TMED3: variants seen among roughly 807,000 people sequenced by gnomAD.
TMED3 encodes the protein transmembrane p24 trafficking protein 3.
In TMED3, 9 loss-of-function variants were observed where a neutral mutation model predicts 15.0. The observed-to-expected ratio is 0.60, with a 90% CI of 0.36 to 1.04. The LOEUF is 1.04. Ranked by LOEUF, TMED3 falls within the 50% of genes least tolerant of loss-of-function variation. The pLI, the probability that TMED3 is intolerant of heterozygous loss-of-function variation, is 0.01. For synonymous variants in TMED3, 117 were observed against 121.4 expected (o/e 0.96, Z 0.24); for missense variants, 267 against 278.9 (o/e 0.96, Z 0.30).
At chr15:79,395,272 T>C (rs1893750275) in intron 2 of TMED3, among the ~76,000 whole-genome samples, 1 of 152,184 alleles carries the variant, frequency 6.6e-6, no homozygotes, top group Non-Finnish European at 1.5e-5. Context: ...CTCCGCCTCC[T>C]GGATTCAAGC....
At chr15:79,351,802 T>C (rs922063321) in intron 2 of TMED3, among the ~76,000 whole-genome samples, 10 of 152,100 alleles carry the variant, frequency 6.6e-5, no homozygotes. Context: ...CAATTCACAA[T>C]TGCAAAAATT....
At chr15:79,395,106 T>A (rs991759617) in intron 2 of TMED3, among the ~76,000 whole-genome samples, 1 of 152,216 alleles carries the variant, frequency 6.6e-6, no homozygotes. Context: ...GTTGGCCTGA[T>A]AATATTTCCT....
intron 2 of TMED3, among the ~76,000 whole-genome samples, chr15:79,329,036 T>A (rs2058797819): frequency 6.6e-6 from 1 of 152,200 alleles, no homozygotes; most frequent in Admixed American, 6.5e-5. Context: ...CCCTTTTTAA[T>A]ACCTAGGGGT....
chr15:79,404,342 C>G (rs748045677), intron 2 of TMED3, among the ~76,000 whole-genome samples: 21 of 152,168 alleles, frequency 1.4e-4, no homozygotes, highest in Non-Finnish European at 2.6e-4. Flanking sequence ...GGTGACAGGA[C>G]AAACATTTAG....
At chr15:79,321,577 T>A (rs965486228) in intron 2 of TMED3, among the ~76,000 whole-genome samples, 5 of 152,234 alleles carry the variant, frequency 3.3e-5, no homozygotes, top group African/African-American at 9.6e-5. Context: ...ATTAGTTGTA[T>A]GACTTTGGGC....
In TMED3 at chr15:79,313,983, A is replaced by G; in HGVS notation, c.395A>G (p.Asn132Ser). 6.2e-7 allele frequency: 1 copy of G among 1,614,100 alleles called. No homozygotes were observed. The highest frequency in any genetic ancestry group is 1.6e-4 in the Middle Eastern group (1 of 6,062). ...CCTCCCATTCTCCCAGACATGGGGA[A>G]CAGGGTCACAGCTCTCACCCAGGTG... ...DEPPILPDMGNRVTALTQMES... is the reference protein window; with the variant it reads ...DEPPILPDMGSRVTALTQMES... Residue 132 changes from asparagine (N) to serine (S), a missense_variant, in exon 2 of 3, where the codon AAC (asparagine) becomes AGC (serine). Asn to Ser is a conservative substitution (Grantham distance 46). Coordinates refer to ENST00000299705, the MANE Select transcript of TMED3 (RefSeq NM_007364.4).
At chr15:79,411,597 G>T (rs1595914648) in exon 3 of TMED3, 1 of 673,462 alleles carries the variant, frequency 1.5e-6, no homozygotes, top group East Asian at 2.7e-5. Context: ...GAGCTACCAT[G>T]CACTGGGACT....
chr15:79,404,487 C>A (rs1893875091), intron 2 of TMED3, among the ~76,000 whole-genome samples: 1 of 152,248 alleles, frequency 6.6e-6, no homozygotes, highest in Admixed American at 6.5e-5. Flanking sequence ...TAGAGAGAAG[C>A]TGGCTGCCTC....
At chr15:79,411,292 G>C in intron 2 of TMED3, 1 of 624,522 alleles carries the variant, frequency 1.6e-6, no homozygotes. Context: ...CCACAAAGGG[G>C]CTAGGCAATC....
In TMED3 at chr15:79,311,245, G is replaced by A. The variant is rs758848068; in HGVS notation, c.-5G>A. On this transcript the variant is annotated 5_prime_UTR_variant, in exon 1 of 3. Transcript: ENST00000299705. ...CGCGGCCCTCGAGACGGGACCGAGA[G>A]CATCATGGGCAGCACTGTCCCGCGC... 6.3e-7 allele frequency: 1 copy of A among 1,596,430 alleles called. No individual in the cohort carries two copies.
chr15:79,400,016 G>T (rs1015479628), intron 2 of TMED3, among the ~76,000 whole-genome samples: 6 of 152,140 alleles, frequency 3.9e-5, no homozygotes, highest in Non-Finnish European at 5.9e-5. Flanking sequence ...AACATCAATG[G>T]CTTTCTATTG....
intron 2 of TMED3, among the ~76,000 whole-genome samples, chr15:79,385,654 C>T (rs1160131622): frequency 6.6e-6 from 1 of 152,174 alleles, no homozygotes; most frequent in African/African-American, 2.4e-5. Flanking sequence ...CAGATCCTGC[C>T]TGTTCCTGGC....
At chr15:79,382,257 T>C (rs1893548898) in intron 2 of TMED3, among the ~76,000 whole-genome samples, 1 of 152,194 alleles carries the variant, frequency 6.6e-6, no homozygotes, top group Admixed American at 6.5e-5. Context: ...CTGTTGAGTT[T>C]TGACTCTTTA....
At chr15:79,318,936 T>C (rs1242611645) in intron 2 of TMED3, among the ~76,000 whole-genome samples, 1 of 152,234 alleles carries the variant, frequency 6.6e-6, no homozygotes, top group African/African-American at 2.4e-5. Flanking sequence ...TTGTTCCTTT[T>C]TCAATATCAA....
At chr15:79,346,184 T>C (rs1275377933) in intron 2 of TMED3, among the ~76,000 whole-genome samples, 1 of 152,224 alleles carries the variant, frequency 6.6e-6, no homozygotes, top group East Asian at 1.9e-4. Context: ...TTTTTGCTTT[T>C]GTTACAATTG....
chr15:79,313,322 G>A (rs2058725363), intron 1 of TMED3, among the ~76,000 whole-genome samples: 1 of 152,206 alleles, frequency 6.6e-6, no homozygotes, highest in Non-Finnish European at 1.5e-5. Flanking sequence ...AGTTATCCTG[G>A]GGTATGTTCA....
At chr15:79,346,014 G>A (rs1201634593) in intron 2 of TMED3, among the ~76,000 whole-genome samples, 1 of 151,650 alleles carries the variant, frequency 6.6e-6, no homozygotes, top group Non-Finnish European at 1.5e-5. Flanking sequence ...ATTTTTTCTT[G>A]TAAATTTGTT....
At chr15:79,344,655 G>T (rs1235206307) in intron 2 of TMED3, among the ~76,000 whole-genome samples, 1 of 152,018 alleles carries the variant, frequency 6.6e-6, no homozygotes, top group Non-Finnish European at 1.5e-5. Flanking sequence ...TTTCTTTTAA[G>T]GTCACATTCC....
intron 2 of TMED3, among the ~76,000 whole-genome samples, chr15:79,387,760 A>G (rs75003706): frequency 0.01 from 1,532 of 152,166 alleles, 26 homozygotes; most frequent in African/African-American, 0.034. Flanking sequence ...GTCTTCTTTC[A>G]GTTTCTCTCA....
Sources: allele counts gnomAD v4.1 joint callset (sites outside exome capture counted in the v4.1 genomes callset), GRCh38; gene constraint gnomAD v4.1.1; transcripts MANE v1.5; gene names NCBI Gene and HGNC (gene_info 2026-07-23, HGNC 2026-07-21).